The following CCDC85C variants were observed in gnomAD, a reference collection of about 807,000 sequenced individuals.
The protein encoded by CCDC85C is coiled-coil domain containing 85C.
A neutral mutation model predicts 38.3 loss-of-function variants in CCDC85C; 18 were observed. That is an observed-to-expected ratio of 0.47 (90% CI 0.33 to 0.70). The LOEUF (loss-of-function observed/expected upper bound fraction) is 0.70. CCDC85C is among the 30% of genes least tolerant of loss of function. The pLI is 0.03. For missense variants in CCDC85C, 566 were observed against 621.2 expected (o/e 0.91, Z 0.94); for synonymous variants, 264 against 293.8 (o/e 0.90, Z 1.04).
intron 1 of CCDC85C, among the ~76,000 whole-genome samples, chr14:99,560,657 C>T (rs1898099872): frequency 6.6e-6 from 1 of 152,238 alleles, no homozygotes; most frequent in Non-Finnish European, 1.5e-5. Flanking sequence ...GGGCTGTGCT[C>T]GCTGGGCCCG....
In CCDC85C at chr14:99,520,771, C is replaced by G. The variant is rs577049149; in HGVS notation, c.975+1362G>C. ...GGGGCCCTGGCCATCCACCCCACCC[C>G]TGTGAGCCTCACTTCCTCCTCTCCA... On this transcript the variant is annotated intron_variant, in intron 3 of 5. Transcript: ENST00000380243. This position sits in a 1 kb window ranked among gnomAD's most constrained non-coding sequence, Gnocchi z 4.1. Among the ~76,000 whole-genome samples the G allele has an allele frequency of 1.6e-4, 24 of 152,350 alleles. No homozygotes were observed. Among genetic ancestry groups the G allele is most frequent in the South Asian group, 8.3e-4 (4 of 4,832 alleles).
chr14:99,528,549 T>G (rs1897432818), intron 2 of CCDC85C, among the ~76,000 whole-genome samples: 2 of 151,828 alleles, frequency 1.3e-5, no homozygotes, highest in Non-Finnish European at 2.9e-5. Flanking sequence ...CACACCAGGG[T>G]GGAGCCACCC....
chr14:99,536,122 C>A, intron 1 of CCDC85C, 34 bp from the exon 2 acceptor site: 1 of 1,422,678 alleles, frequency 7.0e-7, no homozygotes, highest in Non-Finnish European at 9.7e-7. Context: ...GGACATTAGC[C>A]TCCAGCAGAC....
intron 1 of CCDC85C, among the ~76,000 whole-genome samples, chr14:99,575,262 C>T (rs1898449147): frequency 6.6e-6 from 1 of 152,198 alleles, no homozygotes; most frequent in Non-Finnish European, 1.5e-5. Context: ...AGTGACTGCG[C>T]CAGGGGAGTG....
intron 1 of CCDC85C, among the ~76,000 whole-genome samples, chr14:99,565,241 G>C (rs543687180): frequency 6.6e-6 from 1 of 152,298 alleles, no homozygotes; most frequent in South Asian, 2.1e-4. Flanking sequence ...ACCTTCCACA[G>C]CTCGTCGTGT....
At chr14:99,577,001 C>A (rs561551353) in intron 1 of CCDC85C, among the ~76,000 whole-genome samples, 1 of 152,122 alleles carries the variant, frequency 6.6e-6, no homozygotes, top group African/African-American at 2.4e-5. Context: ...AGGACCCCTG[C>A]CCTCCCCTCC....
chr14:99,597,090 AC>A (rs1183723861), intron 1 of CCDC85C, among the ~76,000 whole-genome samples: 3 of 151,784 alleles, frequency 2.0e-5, no homozygotes, highest in Non-Finnish European at 4.4e-5. Context: ...CCTGGCCAGA[AC>A]CTCCTCCCGA....
intron 1 of CCDC85C, among the ~76,000 whole-genome samples, chr14:99,597,164 A>G (rs1328485175): frequency 6.6e-6 from 1 of 152,028 alleles, no homozygotes; most frequent in Non-Finnish European, 1.5e-5. Context: ...TGGTCACCAG[A>G]GTGATGCTCC....
intron 1 of CCDC85C, among the ~76,000 whole-genome samples, chr14:99,567,019 C>A (rs530137749): frequency 6.6e-6 from 1 of 152,320 alleles, no homozygotes; most frequent in African/African-American, 2.4e-5. Context: ...AACCCCTCTG[C>A]CCTTTCAAAG....
At chr14:99,565,127 A>G (rs1898190869) in intron 1 of CCDC85C, among the ~76,000 whole-genome samples, 1 of 152,100 alleles carries the variant, frequency 6.6e-6, no homozygotes, top group Non-Finnish European at 1.5e-5. Flanking sequence ...TTCCACCAAG[A>G]GCTGCTGAAA....
At chr14:99,562,177 GCGA>G (rs1428956963) in intron 1 of CCDC85C, among the ~76,000 whole-genome samples, 1 of 152,156 alleles carries the variant, frequency 6.6e-6, no homozygotes, top group Non-Finnish European at 1.5e-5. Context: ...GCAGAAGAGA[GCGA>G]CGCCCTCCAG....
At chr14:99,531,551 A>C (rs980822859) in intron 2 of CCDC85C, among the ~76,000 whole-genome samples, 1 of 127,194 alleles carries the variant, frequency 7.9e-6, no homozygotes. Context: ...TTTTTAATTA[A>C]ACCTATTTTG....
In CCDC85C at chr14:99,545,064, G is replaced by A. The variant is rs867109307; in HGVS notation, c.794-8976C>T. ...AAAAGTAGCTAGAGAAGAGGAAAACGAACGGCTGCCCTAATGAGAATGAAA... is the reference window on the plus strand; with the variant it reads ...AAAAGTAGCTAGAGAAGAGGAAAACAAACGGCTGCCCTAATGAGAATGAAA... On this transcript the variant is annotated intron_variant, in intron 1 of 5. Coordinates refer to ENST00000380243, the MANE Select transcript of CCDC85C (RefSeq NM_001144995.2). The surrounding 1 kb of genome is among the most constrained non-coding windows in gnomAD (Gnocchi z 4.7). 9.2e-5 allele frequency among the ~76,000 whole-genome samples: 14 copies of A among 152,152 alleles called. No individual in the cohort carries two copies. Among genetic ancestry groups the A allele is most frequent in the African/African-American group, 3.4e-4 (14 of 41,430 alleles).
At chr14:99,534,278 C>T (rs1451113930) in intron 2 of CCDC85C, among the ~76,000 whole-genome samples, 1 of 151,944 alleles carries the variant, frequency 6.6e-6, no homozygotes, top group Non-Finnish European at 1.5e-5. Context: ...TTGCTTGAAC[C>T]CGGGAGACAG....
intron 1 of CCDC85C, among the ~76,000 whole-genome samples, chr14:99,556,204 C>G (rs1345700693): frequency 1.3e-5 from 2 of 152,218 alleles, no homozygotes. Flanking sequence ...ATCACTTGAG[C>G]CCAGGAGTTC....
intron 1 of CCDC85C, among the ~76,000 whole-genome samples, chr14:99,593,014 G>A (rs984419373): frequency 4.6e-5 from 7 of 152,352 alleles, no homozygotes; most frequent in African/African-American, 1.7e-4. Flanking sequence ...TCCACCAGCC[G>A]CTGAGGGATA....
rs1897128648 is a variant in CCDC85C at position 99,511,433 on chromosome 14, G to GT, written c.*3812dup. On this transcript the variant is annotated 3_prime_UTR_variant, in exon 6 of 6. Transcript: ENST00000380243. Reference sequence around the variant, plus strand: ...AGAGATATATTTTTTAAGTGTGAATGTAACAACATACTGTGAATTCCATCT... The same window carrying GT: ...AGAGATATATTTTTTAAGTGTGAATGTTAACAACATACTGTGAATTCCATCT... 6.6e-6 allele frequency: 1 copy of GT among 152,416 alleles called. No individual in the cohort carries two copies. Among genetic ancestry groups the GT allele is most frequent in the African/African-American group, 2.4e-5 (1 of 41,422 alleles). The allele number at this position is 152,416 out of a possible 1,614,324, so 9.4% of individuals were successfully genotyped here.
At position 99,604,098 on chromosome 14, in the gene CCDC85C, T is replaced by TGCGGCCCG; in HGVS notation, c.-140_-139insCGGGCCGC. 2 of 718,836 alleles carry TGCGGCCCG rather than the reference T, an allele frequency of 2.8e-6. No individual in the cohort carries two copies. Among genetic ancestry groups the TGCGGCCCG allele is most frequent in the Non-Finnish European group, 3.4e-6 (2 of 594,488 alleles). The allele number at this position is 718,836 out of a possible 1,614,324, so 44.5% of individuals were successfully genotyped here. A position where few individuals can be genotyped will look rare whatever the true frequency, so the allele number is the denominator to read the frequency against. ...GGCCCGCCCCGCGCCGCCTGGCGCG[T>TGCGGCCCG]CCTCTCGCCGCGCCCGCCGGGGCCG... On this transcript the variant is annotated 5_prime_UTR_variant, in exon 1 of 6. Transcript: ENST00000380243.
chr14:99,579,420 A>G (rs1447046073), intron 1 of CCDC85C, among the ~76,000 whole-genome samples: 1 of 152,194 alleles, frequency 6.6e-6, no homozygotes, highest in African/African-American at 2.4e-5. Flanking sequence ...AGAGATACTC[A>G]CACAGTGAGT....
Sources: gnomAD v4.1 joint callset for allele counts (sites outside exome capture counted in the v4.1 genomes callset) on GRCh38, gnomAD v4.1.1 for gene constraint, Gnocchi (gnomAD v3.1) non-coding constraint, MANE v1.5 for transcripts, NCBI Gene and HGNC (gene_info 2026-07-23, HGNC 2026-07-21) for gene names.